The following FAM234B variants were observed in gnomAD, a reference collection of about 807,000 sequenced individuals.
The protein encoded by FAM234B is protein FAM234B.
Under a neutral mutation model 69.3 loss-of-function variants are expected in FAM234B, and 33 were observed. The observed-to-expected ratio is 0.48, with a 90% CI of 0.36 to 0.64. FAM234B has a LOEUF of 0.64. Among genes scored for constraint, FAM234B ranks in the 30% least tolerant of loss-of-function variants. The pLI is 0.00. For synonymous variants in FAM234B, 306 were observed against 306.9 expected (o/e 1.00, Z 0.03); for missense variants, 697 against 769.7 (o/e 0.91, Z 1.12).
chr12:13,068,836 A>G (rs1865070479), intron 9 of FAM234B, 125 bp downstream of exon 9: 2 of 634,226 alleles, frequency 3.2e-6, no homozygotes, highest in Admixed American at 5.8e-5. Flanking sequence ...CAAAGAACTC[A>G]AAGTCTCATT....
intron 2 of FAM234B, among the ~76,000 whole-genome samples, chr12:13,056,519 A>G (rs7978109): frequency 0.24 from 36,257 of 151,974 alleles, 5,265 homozygotes; most frequent in East Asian, 0.53. Context: ...TGGGACTTAC[A>G]TCTCACCTGT....
chr12:13,051,197 T>G (rs1343566357), intron 1 of FAM234B, among the ~76,000 whole-genome samples: 1 of 152,248 alleles, frequency 6.6e-6, no homozygotes, highest in Non-Finnish European at 1.5e-5. Context: ...CTTCAAATTG[T>G]TTTTATAAAT....
At position 13,046,916 on chromosome 12, in the gene FAM234B, A is replaced by G. The variant is rs142459102; in HGVS notation, c.37+2476A>G. 7.9e-5 allele frequency among the ~76,000 whole-genome samples: 12 copies of G among 152,362 alleles called. No homozygotes were observed. In the East Asian group the frequency reaches 1.9e-3, roughly 24 times the overall value. The stretch of plus-strand genomic sequence containing the variant: ...TCTGTAACAATAACATTATTATGGA[A>G]CATTCACTCTATGCCACACATTCTA... On this transcript the variant is annotated intron_variant, in intron 1 of 12. Coordinates refer to ENST00000197268, the MANE Select transcript of FAM234B (RefSeq NM_020853.2).
In FAM234B at chr12:13,076,071, C is replaced by G; in HGVS notation, c.1570C>G (p.Leu524Val). The change falls in exon 11 of 13, where the codon CTC (leucine) becomes GTC (valine). Residue 524 changes from leucine to valine, a missense_variant. Leu to Val is a conservative substitution (Grantham distance 32). Transcript: ENST00000197268. ...GCCGCCCAGCCTTCACCACCTTTAC[C>G]TCCTGCATCCTGCGTTCCCCTCCAT... ...TEPPSLHHLY[L>V]LHPAFPSILL... is the part of the protein sequence containing the mutation. The G allele has an allele frequency of 1.2e-6, 2 of 1,614,198 alleles. No homozygotes were observed. The highest frequency in any genetic ancestry group is 1.7e-6 in the Non-Finnish European group (2 of 1,180,006).
Position 13,069,323 on chromosome 12 carries a change from T to G in FAM234B, c.1368+612T>G, listed in dbSNP as rs140561656. ...TAACATTACAGCAGAATTACAGAGT[T>G]ACAATTTTTTTTTATTATCGACCTT... is the stretch of plus-strand genomic sequence containing the variant. On this transcript the variant is annotated intron_variant, in intron 9 of 12. Transcript: ENST00000197268. 7.3e-3 allele frequency among the ~76,000 whole-genome samples: 1,106 copies of G among 152,272 alleles called. 11 individuals are homozygous for G. Among genetic ancestry groups the G allele is most frequent in the African/African-American group, 0.025 (1,051 of 41,536 alleles).
intron 11 of FAM234B, among the ~76,000 whole-genome samples, 184 bp downstream of exon 11, chr12:13,076,327 GC>G (rs986884746): frequency 9.8e-5 from 15 of 152,334 alleles, no homozygotes; most frequent in Admixed American, 9.1e-4. Flanking sequence ...GAAGCCCCGG[GC>G]TCACAGGGTG....
chr12:13,079,807 G>A lies in FAM234B; in HGVS notation c.1661G>A (p.Trp554Ter). The change falls in exon 12 of 13, where the codon TGG (tryptophan) becomes TAG (stop). Residue 554 changes from tryptophan to a stop codon, truncating the protein, a stop_gained. Coordinates refer to ENST00000197268, the MANE Select transcript of FAM234B (RefSeq NM_020853.2). LOFTEE classifies it high-confidence loss of function. The stretch of plus-strand genomic sequence containing the variant: ...TCCTCAGTTGGAATTAACGACCTCT[G>A]GAAAGATGCCTTTTATGTTACCAGG... ...TASEVGINDL[W>*]KDAFYVTRTT... 6.2e-7 allele frequency: 1 copy of A among 1,613,578 alleles called. No individual in the cohort carries two copies. Among genetic ancestry groups the A allele is most frequent in the Non-Finnish European group, 8.5e-7 (1 of 1,179,602 alleles).
chr12:13,071,119 A>T, intron 9 of FAM234B, 122 bp from the exon 10 acceptor site: 1 of 1,082,560 alleles, frequency 9.2e-7, no homozygotes, highest in Non-Finnish European at 1.4e-6. Context: ...CTTGCATCTT[A>T]AAAGCGCAGC....
intron 9 of FAM234B, among the ~76,000 whole-genome samples, chr12:13,069,299 A>G (rs753098830): frequency 2.6e-5 from 4 of 152,224 alleles, no homozygotes; most frequent in Non-Finnish European, 5.9e-5. Context: ...TCATTTCTTT[A>G]ACATTACAGC....
chr12:13,045,901 G>C (rs1864805436), intron 1 of FAM234B, among the ~76,000 whole-genome samples: 1 of 151,292 alleles, frequency 6.6e-6, no homozygotes, highest in Non-Finnish European at 1.5e-5. Flanking sequence ...CTAAGAATGA[G>C]AATGCATGAA....
intron 9 of FAM234B, among the ~76,000 whole-genome samples, chr12:13,069,202 T>C (rs1431843920): frequency 6.6e-6 from 1 of 152,100 alleles, no homozygotes; most frequent in East Asian, 1.9e-4. Flanking sequence ...ACAGAAAGGA[T>C]AGAGCATGTT....
chr12:13,067,137 G>T lies in FAM234B; in HGVS notation c.1001-18G>T. 1 of 1,613,896 alleles carries T rather than the reference G, an allele frequency of 6.2e-7. No homozygotes were observed. The highest frequency in any genetic ancestry group is 2.2e-5 in the East Asian group (1 of 44,880). ...TGTTAAATTCAACTTCTCAGTGTTG[G>T]TTCTTCTGTGGTGCTAGGAAATATA... On this transcript the variant is annotated intron_variant, in intron 6 of 12. Transcript: ENST00000197268. The surrounding 1 kb of genome is among the most constrained non-coding windows in gnomAD (Gnocchi z 4.7).
Position 13,067,991 on chromosome 12 carries a change from C to T in FAM234B, c.1143-313C>T, listed in dbSNP as rs2120486511. 6.6e-6 allele frequency among the ~76,000 whole-genome samples: 1 copy of T among 152,354 alleles called. No individual in the cohort carries two copies. Among genetic ancestry groups the T allele is most frequent in the South Asian group, 2.1e-4 (1 of 4,830 alleles). ...TCTGGCCTCCTGTCCAGATCTCTGT[C>T]TGCCTTCCCTGTGATTATCCTTGGC... On this transcript the variant is annotated intron_variant, in intron 7 of 12. Coordinates refer to ENST00000197268, the MANE Select transcript of FAM234B (RefSeq NM_020853.2). The surrounding 1 kb of genome is among the most constrained non-coding windows in gnomAD (Gnocchi z 4.7).
Position 13,080,693 on chromosome 12 carries a change from C to T in FAM234B, c.*63C>T. ...GTGGATACCCTCTCTACTCTCCTGT[C>T]ACTGTAAAATCAGTTCTATGGAGAG... On this transcript the variant is annotated 3_prime_UTR_variant, in exon 13 of 13. Transcript: ENST00000197268. 1 of 1,381,878 alleles carries T rather than the reference C, an allele frequency of 7.2e-7. No homozygotes were observed. Among genetic ancestry groups the T allele is most frequent in the Non-Finnish European group, 1.0e-6 (1 of 973,362 alleles). The allele number at this position is 1,381,878 out of a possible 1,614,324, so 85.6% of individuals were successfully genotyped here. A position where few individuals can be genotyped will look rare whatever the true frequency, so the allele number is the denominator to read the frequency against.
chr12:13,067,432 C>A lies in FAM234B; in HGVS notation c.1142+136C>A. ...AACAGTGCTTATCTTAATTTACCAT[C>A]TTCTGATCTGGTTAACATGAGTTAG... On this transcript the variant is annotated intron_variant, in intron 7 of 12. Transcript: ENST00000197268. The surrounding 1 kb of genome is among the most constrained non-coding windows in gnomAD (Gnocchi z 4.7). The A allele has an allele frequency of 1.1e-6, 1 of 898,138 alleles. No homozygotes were observed. Among genetic ancestry groups the A allele is most frequent in the Non-Finnish European group, 1.7e-6 (1 of 584,864 alleles). The allele number at this position is 898,138 out of a possible 1,614,324, so 55.6% of individuals were successfully genotyped here. A position where few individuals can be genotyped will look rare whatever the true frequency, so the allele number is the denominator to read the frequency against.
intron 1 of FAM234B, among the ~76,000 whole-genome samples, chr12:13,050,129 T>C (rs539039754): frequency 6.6e-6 from 1 of 152,318 alleles, no homozygotes; most frequent in African/African-American, 2.4e-5. Flanking sequence ...TTGCCAGTTA[T>C]CAATTTATTG....
At chr12:13,073,153 C>CTT (rs200786648) in intron 10 of FAM234B, among the ~76,000 whole-genome samples, 1 of 142,502 alleles carries the variant, frequency 7.0e-6, no homozygotes, top group Non-Finnish European at 1.5e-5. Context: ...CTTTTTTTGT[C>CTT]TTTTTTTTTT....
intron 11 of FAM234B, among the ~76,000 whole-genome samples, chr12:13,076,970 G>T (rs1306041970): frequency 6.6e-6 from 1 of 152,166 alleles, no homozygotes; most frequent in African/African-American, 2.4e-5. Flanking sequence ...TGCTACTTAT[G>T]GACTTGGCTG....
chr12:13,071,936 A>G (rs1865110784), intron 10 of FAM234B, among the ~76,000 whole-genome samples: 2 of 152,200 alleles, frequency 1.3e-5, no homozygotes, highest in African/African-American at 4.8e-5. Flanking sequence ...AAAGTCTTAA[A>G]TGTTACACTG....
Sources: allele counts gnomAD v4.1 joint callset (sites outside exome capture counted in the v4.1 genomes callset), GRCh38; gene constraint gnomAD v4.1.1; non-coding constraint Gnocchi (gnomAD v3.1); transcripts MANE v1.5; gene names NCBI Gene and HGNC (gene_info 2026-07-23, HGNC 2026-07-21).